The following MED13 variants were observed in gnomAD, a reference collection of about 807,000 sequenced individuals.
MED13 encodes mediator of RNA polymerase II transcription subunit 13.
MED13 carries 23 observed loss-of-function variants against 225.2 expected under a neutral mutation model. That is an observed-to-expected ratio of 0.10 (90% CI 0.07 to 0.14). MED13 has a LOEUF of 0.14. Among genes scored for constraint, MED13 ranks in the 10% least tolerant of loss-of-function variants. The pLI is 1.00. For missense variants in MED13, 2,197 were observed against 2,594.5 expected (o/e 0.85, Z 3.33); for synonymous variants, 942 against 889.2 (o/e 1.06, Z -1.06).
At chr17:61,979,309 A>G (rs1481708150) in intron 16 of MED13, among the ~76,000 whole-genome samples, 2 of 152,178 alleles carry the variant, frequency 1.3e-5, no homozygotes, top group East Asian at 3.9e-4. Context: ...CCCTGCAAAC[A>G]TGGCCATTTT....
intron 9 of MED13, chr17:62,005,850 C>G (rs1172698755): frequency 6.6e-6 from 1 of 152,200 alleles, no homozygotes; most frequent in African/African-American, 2.4e-5. Context: ...TAGGCTGGTT[C>G]ACCAGTCGTC....
chr17:62,041,591 C>G (rs1234280466), intron 3 of MED13, among the ~76,000 whole-genome samples: 1 of 149,240 alleles, frequency 6.7e-6, no homozygotes, highest in Non-Finnish European at 1.5e-5. Flanking sequence ...TTTTTTTTTC[C>G]TTTGAGACAG....
Position 61,995,428 on chromosome 17 carries a change from G to A in MED13, c.1968-63C>T, listed in dbSNP as rs531677880. ...AAGCATTAAAAATTTCCAAAATGAC[G>A]TTAAGTATCATAATGTTTTTAGAAT... On this transcript the variant is annotated intron_variant, in intron 9 of 29. Transcript: ENST00000397786. 1,106 of 1,155,000 alleles carry A rather than the reference G, an allele frequency of 9.6e-4. 1 individual carries two copies. Among genetic ancestry groups the A allele is most frequent in the Non-Finnish European group, 1.3e-3 (1,057 of 827,452 alleles). The allele number at this position is 1,155,000 out of a possible 1,614,324, so 71.5% of individuals were successfully genotyped here.
At chr17:62,043,863 G>C (rs770407365) in intron 3 of MED13, among the ~76,000 whole-genome samples, 5 of 151,118 alleles carry the variant, frequency 3.3e-5, no homozygotes, top group African/African-American at 1.2e-4. Context: ...TATACATTTA[G>C]TTTTTTTTTA....
At chr17:62,029,513 G>C (rs1208108777) in intron 8 of MED13, 28 bp downstream of exon 8, 2 of 1,518,376 alleles carry the variant, frequency 1.3e-6, no homozygotes, top group African/African-American at 1.4e-5. Context: ...ATCACACATA[G>C]GCATCAATCG....
At chr17:61,983,516 C>CT (rs2080222678) in intron 15 of MED13, among the ~76,000 whole-genome samples, 1 of 152,062 alleles carries the variant, frequency 6.6e-6, no homozygotes, top group Admixed American at 6.5e-5. Context: ...TTTTAAAATG[C>CT]TACCACTTAT....
At chr17:61,956,633 G>A (rs1017752709) in intron 23 of MED13, 152 bp from the exon 24 acceptor site, 14 of 655,418 alleles carry the variant, frequency 2.1e-5, no homozygotes, top group African/African-American at 5.6e-5. Context: ...CCACCTTCAC[G>A]GGTTTAAGTG....
In MED13 at chr17:62,064,620, T is replaced by G. The variant is rs570678476; in HGVS notation, c.66+520A>C. 9.2e-5 allele frequency among the ~76,000 whole-genome samples: 14 copies of G among 152,216 alleles called. No homozygotes were observed. The East Asian group carries it at 2.5e-3, about 27-fold the overall frequency. On this transcript the variant is annotated intron_variant, in intron 1 of 29. Transcript: ENST00000397786. ...CTGGCTTTTACAGAGAGATCTTAAG[T>G]CACCCAAGAAAGAAACTAACCTGGC... is the stretch of plus-strand genomic sequence containing the variant.
In MED13 at chr17:61,955,377, C is replaced by T. The variant is rs766932018; in HGVS notation, c.5968+5G>A. The T allele has an allele frequency of 3.3e-6, 5 of 1,514,996 alleles. No homozygotes were observed. The highest frequency in any genetic ancestry group is 2.6e-6 in the Non-Finnish European group (3 of 1,133,400). The allele number at this position is 1,514,996 out of a possible 1,614,324, so 93.8% of individuals were successfully genotyped here. ...CAGACTACCAAAATGGAACAAATTA[C>T]GTACCATTGTTGGGATTGAAAGCTA... On this transcript the variant is annotated splice_donor_5th_base_variant and intron_variant, in intron 26 of 29. Coordinates refer to ENST00000397786, the MANE Select transcript of MED13 (RefSeq NM_005121.3).
rs1396175724 is a variant in MED13 at position 61,985,044 on chromosome 17, C to A, written c.2432G>T (p.Cys811Phe). 19 of 1,613,956 alleles carry A rather than the reference C, an allele frequency of 1.2e-5. No individual in the cohort carries two copies. The highest frequency in any genetic ancestry group is 1.6e-5 in the Non-Finnish European group (19 of 1,179,970). ...SANGSDDKAS[C>F]KESKTGNLDP... Reference sequence around the variant, plus strand: ...CAGATTTCCTGTCTTTGATTCCTTGCAGCTGGCTTTATCATCTGATCCATT... The same window carrying A: ...CAGATTTCCTGTCTTTGATTCCTTGAAGCTGGCTTTATCATCTGATCCATT... The change falls in exon 13 of 30, where the codon TGC becomes TTC. Residue 811 changes from cysteine to phenylalanine, a missense_variant. By Grantham distance (205) the Cys-to-Phe change is radical. Coordinates refer to ENST00000397786, the MANE Select transcript of MED13 (RefSeq NM_005121.3).
intron 8 of MED13, 33 bp from the exon 9 acceptor site, chr17:62,011,266 A>G (rs1452713752): frequency 6.4e-7 from 1 of 1,571,042 alleles, no homozygotes; most frequent in Admixed American, 1.8e-5. Flanking sequence ...TCATATTTAC[A>G]GTATCACTAT....
chr17:62,064,554 G>A (rs748824121), intron 1 of MED13, among the ~76,000 whole-genome samples: 2 of 152,108 alleles, frequency 1.3e-5, no homozygotes, highest in African/African-American at 4.8e-5. Context: ...ATGGCAAACT[G>A]TTTTCAAAGT....
At chr17:62,013,237 C>T (rs544958898) in intron 8 of MED13, among the ~76,000 whole-genome samples, 80 of 152,100 alleles carry the variant, frequency 5.3e-4, no homozygotes, top group African/African-American at 1.8e-3. Flanking sequence ...AGATATTACA[C>T]AAAAAGAAAA....
At chr17:61,959,630 C>T (rs79796206) in intron 23 of MED13, among the ~76,000 whole-genome samples, 5,821 of 151,790 alleles carry the variant, frequency 0.038, 361 homozygotes, top group African/African-American at 0.13. Context: ...CATTAAAGAC[C>T]TAATAATCAT....
intron 8 of MED13, among the ~76,000 whole-genome samples, chr17:62,013,731 G>A (rs2080533947): frequency 1.3e-5 from 2 of 152,106 alleles, no homozygotes; most frequent in Admixed American, 1.3e-4. Context: ...TTTATTCATT[G>A]TCAACATTAT....
chr17:61,956,959 T>A (rs1025083192), intron 23 of MED13, among the ~76,000 whole-genome samples: 9 of 152,214 alleles, frequency 5.9e-5, no homozygotes, highest in African/African-American at 1.9e-4. Context: ...CATCTGAGTT[T>A]GCTTTTCTAT....
At chr17:62,065,108 C>T in intron 1 of MED13, 32 bp downstream of exon 1, 2 of 1,521,742 alleles carry the variant, frequency 1.3e-6, no homozygotes, top group Admixed American at 2.1e-5. Context: ...CGCGGCCCCC[C>T]TCCCTCGGCG....
chr17:61,955,637 C>T, intron 25 of MED13, 43 bp downstream of exon 25: 1 of 1,562,230 alleles, frequency 6.4e-7, no homozygotes, highest in Non-Finnish European at 8.6e-7. Flanking sequence ...AAAAACTTAA[C>T]TGCATAAAGA....
chr17:61,954,954 T>C (rs2079929364), intron 26 of MED13, among the ~76,000 whole-genome samples: 1 of 152,174 alleles, frequency 6.6e-6, no homozygotes, highest in Non-Finnish European at 1.5e-5. Context: ...AGGCCAGAAG[T>C]CTGAAATCAG....
Sources: gnomAD v4.1 joint callset for allele counts (sites outside exome capture counted in the v4.1 genomes callset) on GRCh38, gnomAD v4.1.1 for gene constraint, MANE v1.5 for transcripts, NCBI Gene and HGNC (gene_info 2026-07-23, HGNC 2026-07-21) for gene names.